The following CNTNAP2 variants were observed in gnomAD, a reference collection of about 807,000 sequenced individuals.
CNTNAP2 encodes the protein contactin associated protein 2.
A neutral mutation model predicts 155.2 loss-of-function variants in CNTNAP2; 98 were observed. The observed-to-expected ratio is 0.63, with a 90% CI of 0.54 to 0.75. CNTNAP2 has a LOEUF of 0.75. Ranked by LOEUF, CNTNAP2 falls within the 30% of genes least tolerant of loss-of-function variation. The probability of loss-of-function intolerance (pLI) is 0.00; values close to 1 mark genes in which losing one functional copy is unlikely to be tolerated. For synonymous variants in CNTNAP2, 651 were observed against 631.2 expected, an observed-to-expected ratio of 1.03 and a Z score of -0.47; for missense variants, 1,727 against 1,688.1, an observed-to-expected ratio of 1.02 and a Z score of -0.40.
chr7:146,213,617 A>C (rs1420878982), intron 1 of CNTNAP2, among the ~76,000 whole-genome samples: 7 of 152,194 alleles, frequency 4.6e-5, no homozygotes, highest in Admixed American at 4.6e-4. Context: ...TTAGTAGAAC[A>C]CTTTTCATCA....
intron 9 of CNTNAP2, among the ~76,000 whole-genome samples, chr7:147,371,759 A>G (rs1429529528): frequency 5.9e-5 from 9 of 152,082 alleles, no homozygotes; most frequent in Non-Finnish European, 1.0e-4. Context: ...AGGGGTGCTC[A>G]CTTATGTGTA....
intron 1 of CNTNAP2, among the ~76,000 whole-genome samples, chr7:146,768,356 A>G (rs1244323117): frequency 6.6e-6 from 1 of 151,594 alleles, no homozygotes; most frequent in East Asian, 2.0e-4. Flanking sequence ...TGGTGTCCCA[A>G]CTCAGTGCTC....
intron 21 of CNTNAP2, among the ~76,000 whole-genome samples, chr7:148,273,409 G>A (rs1027826721): frequency 5.9e-5 from 9 of 152,166 alleles, no homozygotes; most frequent in African/African-American, 1.9e-4. Context: ...AATGTACAGC[G>A]ATCACCACAT....
chr7:147,693,385 G>A (rs1042271595), intron 13 of CNTNAP2, among the ~76,000 whole-genome samples: 4 of 152,016 alleles, frequency 2.6e-5, no homozygotes, highest in Non-Finnish European at 5.9e-5. Context: ...AAAATAGCTT[G>A]CTCAGATTTT....
intron 17 of CNTNAP2, among the ~76,000 whole-genome samples, chr7:148,156,348 C>G (rs960374962): frequency 6.6e-6 from 1 of 152,180 alleles, no homozygotes; most frequent in African/African-American, 2.4e-5. Flanking sequence ...TGCAGACTCT[C>G]TCAGCAGCAT....
At chr7:146,303,205 C>T (rs987182739) in intron 1 of CNTNAP2, among the ~76,000 whole-genome samples, 1 of 151,614 alleles carries the variant, frequency 6.6e-6, no homozygotes, top group Non-Finnish European at 1.5e-5. Context: ...GAGAAAAGAA[C>T]ACTATAGGAA....
At chr7:148,093,852 G>T (rs545185691) in intron 15 of CNTNAP2, among the ~76,000 whole-genome samples, 1 of 152,286 alleles carries the variant, frequency 6.6e-6, no homozygotes, top group Non-Finnish European at 1.5e-5. Context: ...ACAGCTCACT[G>T]CAGCCTCAAC....
chr7:147,101,524 T>C (rs1800652777), intron 4 of CNTNAP2, among the ~76,000 whole-genome samples: 2 of 152,178 alleles, frequency 1.3e-5, no homozygotes, highest in African/African-American at 2.4e-5. Context: ...CAGCCTTTTA[T>C]ACCCTGTCCT....
At chr7:146,496,333 A>G (rs1312117443) in intron 1 of CNTNAP2, among the ~76,000 whole-genome samples, 4 of 152,152 alleles carry the variant, frequency 2.6e-5, no homozygotes, top group Non-Finnish European at 5.9e-5. Context: ...GAAGCCCTCC[A>G]TTTACTTCGT....
At chr7:146,322,870 G>A (rs1459443745) in intron 1 of CNTNAP2, among the ~76,000 whole-genome samples, 1 of 151,682 alleles carries the variant, frequency 6.6e-6, no homozygotes. Context: ...GAAATCAGAG[G>A]GTGTGAATTT....
intron 3 of CNTNAP2, among the ~76,000 whole-genome samples, chr7:146,930,957 A>G (rs1029635534): frequency 5.1e-4 from 78 of 152,328 alleles, no homozygotes; most frequent in Middle Eastern, 3.4e-3. Context: ...TGACCTACAA[A>G]GAGACATAGA....
intron 14 of CNTNAP2, among the ~76,000 whole-genome samples, chr7:147,976,705 C>T (rs1417307796): frequency 2.6e-5 from 4 of 152,130 alleles, no homozygotes; most frequent in Non-Finnish European, 5.9e-5. Context: ...GTACAAGTAA[C>T]TGCTCCACAC....
chr7:146,965,077 T>C (rs889670217), intron 3 of CNTNAP2, among the ~76,000 whole-genome samples: 3 of 152,070 alleles, frequency 2.0e-5, no homozygotes, highest in Non-Finnish European at 4.4e-5. Flanking sequence ...AAACTTGAAA[T>C]GTACAAGAGA....
intron 1 of CNTNAP2, among the ~76,000 whole-genome samples, chr7:146,238,518 A>G (rs1380560088): frequency 3.3e-5 from 5 of 152,292 alleles, no homozygotes; most frequent in African/African-American, 1.2e-4. Flanking sequence ...GGCACAAAAA[A>G]GCTGTATAAT....
At chr7:147,891,181 TA>T (rs1473772440) in intron 13 of CNTNAP2, among the ~76,000 whole-genome samples, 2 of 151,090 alleles carry the variant, frequency 1.3e-5, no homozygotes, top group African/African-American at 4.9e-5. Context: ...AAATCAACCA[TA>T]CAGTAGGTAA....
intron 3 of CNTNAP2, among the ~76,000 whole-genome samples, chr7:146,954,621 T>C (rs1188338319): frequency 6.6e-6 from 1 of 151,908 alleles, no homozygotes; most frequent in Non-Finnish European, 1.5e-5. Context: ...ATTCTGTGCT[T>C]TTTCACATTG....
intron 2 of CNTNAP2, among the ~76,000 whole-genome samples, chr7:146,834,361 A>G (rs1803575367): frequency 6.6e-6 from 1 of 152,204 alleles, no homozygotes; most frequent in Non-Finnish European, 1.5e-5. Flanking sequence ...CCCACATAGA[A>G]TGGACACGTA....
chr7:147,209,010 T>C (rs1170960729), intron 8 of CNTNAP2, among the ~76,000 whole-genome samples: 2 of 152,006 alleles, frequency 1.3e-5, no homozygotes, highest in East Asian at 1.9e-4. Context: ...ATAATCTGTT[T>C]GTTTTTATGT....
At chr7:147,653,072 G>GA (rs1293877849) in intron 13 of CNTNAP2, among the ~76,000 whole-genome samples, 1 of 151,798 alleles carries the variant, frequency 6.6e-6, no homozygotes, top group South Asian at 2.1e-4. Context: ...TGAAAGAAAC[G>GA]AAAAAAACAT....
Sources: allele counts gnomAD v4.1 joint callset (sites outside exome capture counted in the v4.1 genomes callset), GRCh38; gene constraint gnomAD v4.1.1; transcripts MANE v1.5; gene names NCBI Gene and HGNC (gene_info 2026-07-23, HGNC 2026-07-21).